Variants in ADAP1 observed in about 807,000 individuals in gnomAD.
The protein encoded by ADAP1 is arf-GAP with dual PH domain-containing protein 1.
A neutral mutation model predicts 54.9 loss-of-function variants in ADAP1; 31 were observed. The observed-to-expected ratio is 0.56, with a 90% CI of 0.42 to 0.76. ADAP1 has a LOEUF of 0.76. Ranked by LOEUF, ADAP1 falls within the 30% of genes least tolerant of loss-of-function variation. The pLI is 0.00. For missense variants in ADAP1, 535 were observed against 512.4 expected, an observed-to-expected ratio of 1.04 and a Z score of -0.42; for synonymous variants, 313 against 202.6, an observed-to-expected ratio of 1.55 and a Z score of -4.63.
At chr7:935,090 G>A (rs1382328328) in intron 2 of ADAP1, 4 of 566,794 alleles carry the variant, frequency 7.1e-6, no homozygotes, top group Non-Finnish European at 1.0e-5. Context: ...GCACTCCGGA[G>A]CTCCCAGGGC....
intron 1 of ADAP1, among the ~76,000 whole-genome samples, chr7:952,827 C>T (rs6462143): frequency 6.6e-6 from 1 of 152,010 alleles, no homozygotes; most frequent in Non-Finnish European, 1.5e-5. Context: ...GGCATAGGGA[C>T]GGCAGAGAAC....
intron 4 of ADAP1, among the ~76,000 whole-genome samples, chr7:910,551 G>C (rs1845681835): frequency 6.6e-6 from 1 of 152,210 alleles, no homozygotes; most frequent in African/African-American, 2.4e-5. Flanking sequence ...CCTGGCCCGA[G>C]ACTGCTGGGT....
chr7:935,297 C>A, intron 2 of ADAP1, 78 bp downstream of exon 2: 3 of 1,513,614 alleles, frequency 2.0e-6, no homozygotes, highest in Non-Finnish European at 2.7e-6. Context: ...CCAGGCCGCC[C>A]GGCATCTCTG....
rs1554271759 is a variant in ADAP1, at chr7:905,411, G to GGGAAA, written c.389-240_389-239insTTTCC. 16 of 130,904 alleles carry GGGAAA rather than the reference G, an allele frequency of 1.2e-4. 1 individual carries two copies. Among genetic ancestry groups the GGGAAA allele is most frequent in the Admixed American group, 5.9e-4 (6 of 10,134 alleles). 8.1% of individuals were successfully genotyped at this position (130,904 alleles called of 1,614,324 possible). On this transcript the variant is annotated intron_variant, in intron 4 of 10. Coordinates refer to ENST00000265846, the MANE Select transcript of ADAP1 (RefSeq NM_006869.4). ...GAAAGGAGAAAGGAGAAAGGAGAAAGGGAGAAAGAGAAAGGAGAAAGGAGA... is the reference window on the plus strand; with the variant it reads ...GAAAGGAGAAAGGAGAAAGGAGAAAGGGAAAGGAGAAAGAGAAAGGAGAAAGGAGA...
rs1330023539 is a variant in ADAP1, at chr7:932,707, G to A, written c.213+2668C>T. Among the ~76,000 whole-genome samples the A allele has an allele frequency of 2.0e-5, 3 of 152,114 alleles. No individual in the cohort carries two copies. In the South Asian group the frequency reaches 6.2e-4, roughly 32 times the overall value. ...TGTCCCCCCCTGGGTCAGTGAAGGT[G>A]GGTCGAAGGGCGAAGGGACGGATAT... On this transcript the variant is annotated intron_variant, in intron 2 of 10. Transcript: ENST00000265846.
Position 899,067 on chromosome 7 carries a change from C to T in ADAP1, c.1062G>A (p.Ala354=), listed in dbSNP as rs538093570. 4.0e-5 allele frequency: 64 copies of T among 1,608,476 alleles called. 1 individual carries two copies. Among genetic ancestry groups the T allele is most frequent in the African/African-American group, 8.0e-5 (6 of 75,050 alleles). Reference sequence around the variant, plus strand: ...CCTGGGGCAGCATGGGCCTGTCCACCGCCTTCTGGAAGGCCGCCACCCACT... The same window carrying T: ...CCTGGGGCAGCATGGGCCTGTCCACTGCCTTCTGGAAGGCCGCCACCCACT... ...QREWVAAFQK[A]VDRPMLPQEY... Residue 354 remains alanine (A), a synonymous_variant, in exon 10 of 11, where the codon GCG becomes GCA. Transcript: ENST00000265846.
chr7:919,936 C>A lies in ADAP1; in HGVS notation c.388+32G>T, dbSNP rs528578661. The A allele has an allele frequency of 2.6e-6, 4 of 1,560,680 alleles. No individual in the cohort carries two copies. In the African/African-American group the frequency reaches 5.7e-5, roughly 22 times the overall value. ...AGGGAGAGAGCCAGGGAGAGGTAGC[C>A]GGGAGGCCCCACCCCACCCGGGTGG... On this transcript the variant is annotated intron_variant, in intron 4 of 10. Transcript: ENST00000265846.
intron 4 of ADAP1, among the ~76,000 whole-genome samples, chr7:918,407 G>A (rs991617429): frequency 1.3e-5 from 2 of 152,156 alleles, no homozygotes; most frequent in African/African-American, 4.8e-5. Context: ...TAAAGGGAGG[G>A]CATCTTAGAT....
chr7:947,574 G>T (rs1325161881), intron 1 of ADAP1, among the ~76,000 whole-genome samples: 4 of 151,954 alleles, frequency 2.6e-5, no homozygotes, highest in Non-Finnish European at 5.9e-5. Context: ...AAAGGCCTGG[G>T]TGTCCTCATT....
At chr7:954,038 A>T (rs961018932) in intron 1 of ADAP1, among the ~76,000 whole-genome samples, 1 of 152,120 alleles carries the variant, frequency 6.6e-6, no homozygotes, top group African/African-American at 2.4e-5. Context: ...CCCTCCCTGC[A>T]GCCAGCCCCG....
intron 1 of ADAP1, among the ~76,000 whole-genome samples, chr7:937,124 ACC>A (rs1846788969): frequency 2.3e-5 from 1 of 43,422 alleles, no homozygotes; most frequent in African/African-American, 1.2e-4. Flanking sequence ...GTCACGCCCG[ACC>A]TCTGGGATTT....
chr7:947,938 TCTC>T (rs1847184211), intron 1 of ADAP1, among the ~76,000 whole-genome samples: 1 of 148,812 alleles, frequency 6.7e-6, no homozygotes, highest in South Asian at 2.1e-4. Flanking sequence ...CCTCCTCACT[TCTC>T]CTTTGACCTG....
chr7:922,553 C>T (rs940554104), intron 3 of ADAP1, among the ~76,000 whole-genome samples: 1 of 152,150 alleles, frequency 6.6e-6, no homozygotes, highest in Non-Finnish European at 1.5e-5. Context: ...ACCCCCATAG[C>T]GGGTGCTGTT....
In ADAP1 at chr7:906,768, TGGGGGACAGGG is replaced by T. The variant is rs1562915568; in HGVS notation, c.389-1607_389-1597del. On this transcript the variant is annotated intron_variant, in intron 4 of 10. Coordinates refer to ENST00000265846, the MANE Select transcript of ADAP1 (RefSeq NM_006869.4). ...ACATAGGGGACATGGACAGGGGACA[TGGGGGACAGGG>T]GACACGGGGGACGGGACAGGGGACA... is the stretch of plus-strand genomic sequence containing the variant. Among the ~76,000 whole-genome samples the T allele has an allele frequency of 2.6e-3, 64 of 24,722 alleles. 2 individuals carry two copies. The highest frequency in any genetic ancestry group is 7.9e-3 in the African/African-American group (64 of 8,070). 16.2% of individuals were successfully genotyped at this position (24,722 alleles called of 152,430 possible). A position where few individuals can be genotyped will look rare whatever the true frequency, so the allele number is the denominator to read the frequency against.
chr7:952,723 C>G (rs1027480977), intron 1 of ADAP1, among the ~76,000 whole-genome samples: 3 of 152,180 alleles, frequency 2.0e-5, no homozygotes, highest in Admixed American at 2.0e-4. Flanking sequence ...CAGCATCCCC[C>G]CTCCATGGCG....
At chr7:901,953 A>T (rs1018451243) in intron 6 of ADAP1, among the ~76,000 whole-genome samples, 1 of 152,022 alleles carries the variant, frequency 6.6e-6, no homozygotes, top group Non-Finnish European at 1.5e-5. Flanking sequence ...CCCCAGCAGG[A>T]GATGGAGCCG....
chr7:918,453 T>A (rs1485628815), intron 4 of ADAP1, among the ~76,000 whole-genome samples: 1 of 152,222 alleles, frequency 6.6e-6, no homozygotes, highest in East Asian at 1.9e-4. Flanking sequence ...GTGATCCTCC[T>A]GCCTTGGCCT....
chr7:905,866 G>A (rs865962750), intron 4 of ADAP1, among the ~76,000 whole-genome samples: 128 of 50,402 alleles, frequency 2.5e-3, no homozygotes, highest in Non-Finnish European at 3.2e-3. Context: ...GAAGGGAGAA[G>A]GGAGAAGGGA....
chr7:949,691 G>A (rs1847223441), intron 1 of ADAP1, among the ~76,000 whole-genome samples: 2 of 152,298 alleles, frequency 1.3e-5, no homozygotes, highest in South Asian at 2.1e-4. Context: ...GAAGTTGGGG[G>A]GAGCCTGGCC....
Sources: gnomAD v4.1 joint callset for allele counts (sites outside exome capture counted in the v4.1 genomes callset) on GRCh38, gnomAD v4.1.1 for gene constraint, MANE v1.5 for transcripts, NCBI Gene and HGNC (gene_info 2026-07-23, HGNC 2026-07-21) for gene names.